Variants in LIMK1 observed in about 807,000 individuals in gnomAD.
LIMK1 encodes the protein LIM domain kinase 1, also known as LIM motif-containing protein kinase.
LIMK1 carries 21 observed loss-of-function variants against 77.6 expected under a neutral mutation model. The observed-to-expected ratio is 0.27, with a 90% CI of 0.19 to 0.39. The LOEUF is 0.39. Among genes scored for constraint, LIMK1 ranks in the 10% least tolerant of loss-of-function variants. The pLI, the probability that LIMK1 is intolerant of heterozygous loss-of-function variation, is 1.00. For missense variants in LIMK1, 696 were observed against 901.6 expected (o/e 0.77, Z 2.92); for synonymous variants, 358 against 370.0 (o/e 0.97, Z 0.37).
At chr7:74,102,484 C>CTCTTTTTTTTTTTTTTTTTTTTTTTT (rs1554696729) in intron 5 of LIMK1, among the ~76,000 whole-genome samples, 3 of 54,068 alleles carry the variant, frequency 5.5e-5, no homozygotes, top group Admixed American at 3.5e-4. Context: ...AGGACCTTCT[C>CTCTTTTTTTTTTTTTTTTTTTTTTTT]TTTTTTTTTT....
intron 5 of LIMK1, among the ~76,000 whole-genome samples, chr7:74,105,308 G>C (rs1258092227): frequency 6.6e-6 from 1 of 152,140 alleles, no homozygotes; most frequent in South Asian, 2.1e-4. Flanking sequence ...TCAGGAGTTC[G>C]AGACCAGCCT....
At chr7:74,087,588 T>A (rs1247828556) in intron 2 of LIMK1, among the ~76,000 whole-genome samples, 1 of 152,128 alleles carries the variant, frequency 6.6e-6, no homozygotes, top group African/African-American at 2.4e-5. Flanking sequence ...CCTTGGTTTA[T>A]TTTTTGGTTT....
chr7:74,104,768 A>G (rs77474392), intron 5 of LIMK1, among the ~76,000 whole-genome samples: 4,952 of 152,262 alleles, frequency 0.033, 278 homozygotes, highest in African/African-American at 0.11. Context: ...TCACCCTGCA[A>G]TTGTGGCTCA....
At chr7:74,108,803 G>C in intron 9 of LIMK1, 102 bp from the exon 10 acceptor site, 1 of 1,515,824 alleles carries the variant, frequency 6.6e-7, no homozygotes, top group Non-Finnish European at 8.8e-7. Context: ...CCGTATCTTT[G>C]AGACCGCCTA....
intron 2 of LIMK1, among the ~76,000 whole-genome samples, chr7:74,089,726 T>C (rs1377530360): frequency 6.6e-6 from 1 of 151,904 alleles, no homozygotes; most frequent in Non-Finnish European, 1.5e-5. Flanking sequence ...GGCTGTGTCC[T>C]GCCCAGAGCT....
chr7:74,084,217 C>T (rs1439950951), intron 1 of LIMK1, among the ~76,000 whole-genome samples, 172 bp downstream of exon 1: 2 of 151,936 alleles, frequency 1.3e-5, no homozygotes, highest in African/African-American at 4.8e-5. Context: ...CCGGGATCCC[C>T]CTCCCCGGCC....
At chr7:74,097,377 G>C (rs1458762014) in intron 4 of LIMK1, among the ~76,000 whole-genome samples, 188 bp downstream of exon 4, 2 of 152,352 alleles carry the variant, frequency 1.3e-5, no homozygotes, top group African/African-American at 4.8e-5. Flanking sequence ...AGAAGTCAGT[G>C]TGAAAAAGCC....
At chr7:74,115,698 G>A (rs1341135395) in intron 12 of LIMK1, 104 bp from the exon 13 acceptor site, 10 of 1,285,480 alleles carry the variant, frequency 7.8e-6, no homozygotes, top group East Asian at 2.4e-5. Flanking sequence ...TCAGAGGTAT[G>A]TTCTCTGGGC....
rs781856172 is a variant in LIMK1 at position 74,121,197 on chromosome 7, C to T, written c.1840C>T (p.His614Tyr). 99 of 1,613,604 alleles carry T rather than the reference C, an allele frequency of 6.1e-5. No individual in the cohort carries two copies. Among genetic ancestry groups the T allele is most frequent in the Non-Finnish European group, 8.2e-5 (97 of 1,179,966 alleles). Reference protein sequence around the residue: ...LETLRMHLAGHLPLGPQLEQL... With the variant: ...LETLRMHLAGYLPLGPQLEQL... ...GACCCTCCGCATGCACCTGGCCGGC[C>T]ACCTGCCACTGGGCCCACAGCTGGA... Residue 614 changes from histidine (H) to tyrosine (Y), a missense_variant, in exon 16 of 16, where the codon CAC becomes TAC. Around this residue, in one of 3 missense-constraint regions of LIMK1, gnomAD observed 438 missense variants for 602.3 expected, o/e 0.73. Transcript: ENST00000336180.
intron 2 of LIMK1, 139 bp from the exon 3 acceptor site, chr7:74,096,483 G>A (rs782443054): frequency 1.8e-6 from 2 of 1,137,666 alleles, no homozygotes. Flanking sequence ...CCTGGCGACA[G>A]AGCAAGACTC....
chr7:74,120,776 A>G, intron 14 of LIMK1, 116 bp from the exon 15 acceptor site: 1 of 1,527,628 alleles, frequency 6.5e-7, no homozygotes, highest in Non-Finnish European at 9.0e-7. Flanking sequence ...CCCATGGGGT[A>G]CTGCAGTCAG....
chr7:74,086,414 C>T (rs574208225), intron 2 of LIMK1, among the ~76,000 whole-genome samples: 2 of 152,210 alleles, frequency 1.3e-5, no homozygotes, highest in South Asian at 2.1e-4. Flanking sequence ...GGCTGGAGTG[C>T]AGTGGTGCCA....
chr7:74,108,670 A>G (rs1483168984), intron 9 of LIMK1, among the ~76,000 whole-genome samples: 1 of 151,554 alleles, frequency 6.6e-6, no homozygotes, highest in Non-Finnish European at 1.5e-5. Flanking sequence ...AAGAAAAGAA[A>G]AAAGAAAGTA....
intron 2 of LIMK1, among the ~76,000 whole-genome samples, chr7:74,090,948 C>G (rs1367827440): frequency 1.3e-5 from 2 of 152,122 alleles, no homozygotes; most frequent in Admixed American, 6.5e-5. Context: ...GAGTCTCGCT[C>G]TGTCGCCCAG....
Position 74,097,448 on chromosome 7 carries a change from G to A in LIMK1, c.401+259G>A, listed in dbSNP as rs147240288. ...CCCAGCACTTTGGGATTCCGAGGTGGGTGGATCCCTTGAGGCTAGGAGTTC... is the reference window on the plus strand; with the variant it reads ...CCCAGCACTTTGGGATTCCGAGGTGAGTGGATCCCTTGAGGCTAGGAGTTC... On this transcript the variant is annotated intron_variant, in intron 4 of 15. Coordinates refer to ENST00000336180, the MANE Select transcript of LIMK1 (RefSeq NM_002314.4). 5.5e-4 allele frequency among the ~76,000 whole-genome samples: 84 copies of A among 152,332 alleles called. 1 individual carries two copies. The East Asian group carries it at 0.016, about 29-fold the overall frequency.
chr7:74,085,286 C>G (rs1283726911), intron 1 of LIMK1, among the ~76,000 whole-genome samples: 1 of 152,162 alleles, frequency 6.6e-6, no homozygotes, highest in Non-Finnish European at 1.5e-5. Context: ...CCTTGACCTC[C>G]CAGCTGGCTT....
At chr7:74,114,536 A>G (rs1362731739) in intron 12 of LIMK1, among the ~76,000 whole-genome samples, 6 of 140,096 alleles carry the variant, frequency 4.3e-5, no homozygotes, top group Non-Finnish European at 4.6e-5. Context: ...GGGCCACGGG[A>G]GGGAGACTCT....
In LIMK1 at chr7:74,121,692, C is replaced by T. The variant is rs144184854; in HGVS notation, c.*391C>T. On this transcript the variant is annotated 3_prime_UTR_variant, in exon 16 of 16. Transcript: ENST00000336180. ...GGAGGCTGGGCCAGGAGGCAGCCTC[C>T]GAACCATGCCCCATATAACGCTTGG... 35 of 198,416 alleles carry T rather than the reference C, an allele frequency of 1.8e-4. No individual in the cohort carries two copies. The highest frequency in any genetic ancestry group is 2.4e-4 in the Non-Finnish European group (24 of 98,694). The allele number at this position is 198,416 out of a possible 1,614,324, so 12.3% of individuals were successfully genotyped here. A position where few individuals can be genotyped will look rare whatever the true frequency, so the allele number is the denominator to read the frequency against.
intron 9 of LIMK1, among the ~76,000 whole-genome samples, chr7:74,108,293 G>A (rs1294130673): frequency 2.0e-5 from 3 of 151,482 alleles, no homozygotes; most frequent in Non-Finnish European, 4.4e-5. Context: ...AGCCATGATC[G>A]CACCACTGCA....
Sources: allele counts gnomAD v4.1 joint callset (sites outside exome capture counted in the v4.1 genomes callset), GRCh38; gene constraint gnomAD v4.1.1; regional missense constraint gnomAD v4.1.1; transcripts MANE v1.5; gene names NCBI Gene and HGNC (gene_info 2026-07-23, HGNC 2026-07-21).